GPC5: variants seen among roughly 807,000 people sequenced by gnomAD.
GPC5 encodes the protein glypican-5.
GPC5 carries 47 observed loss-of-function variants against 53.9 expected under a neutral mutation model. The observed-to-expected ratio is 0.87, with a 90% CI of 0.69 to 1.11. The LOEUF (loss-of-function observed/expected upper bound fraction) is 1.11. Among genes scored for constraint, GPC5 ranks in the 50% most tolerant of loss-of-function variants. The pLI is 0.00. For synonymous variants in GPC5, 286 were observed against 263.3 expected (o/e 1.09, Z -0.84); for missense variants, 748 against 713.1 (o/e 1.05, Z -0.56).
At chr13:91,620,613 G>T (rs1339891085) in intron 2 of GPC5, among the ~76,000 whole-genome samples, 1 of 152,078 alleles carries the variant, frequency 6.6e-6, no homozygotes, top group East Asian at 1.9e-4. Context: ...TTAAGTTATG[G>T]TCTCTCTGCC....
At chr13:92,264,815 A>G (rs911332487) in intron 7 of GPC5, among the ~76,000 whole-genome samples, 6 of 149,900 alleles carry the variant, frequency 4.0e-5, no homozygotes, top group African/African-American at 1.2e-4. Flanking sequence ...GTCCTTTCAA[A>G]TTATTGAAAC....
At chr13:92,348,940 T>G (rs985209638) in intron 7 of GPC5, among the ~76,000 whole-genome samples, 9 of 151,982 alleles carry the variant, frequency 5.9e-5, no homozygotes, top group African/African-American at 1.9e-4. Flanking sequence ...AAGAGGAACG[T>G]TTATAACAAT....
intron 7 of GPC5, among the ~76,000 whole-genome samples, chr13:92,730,139 C>T (rs1888759463): frequency 6.6e-6 from 1 of 151,336 alleles, no homozygotes; most frequent in Admixed American, 6.6e-5. Flanking sequence ...AGAAAGGACA[C>T]ACTACTTGGA....
intron 6 of GPC5, among the ~76,000 whole-genome samples, chr13:92,083,244 C>T (rs1002377735): frequency 3.3e-5 from 5 of 152,216 alleles, no homozygotes; most frequent in Admixed American, 2.6e-4. Context: ...CCCCATTGCT[C>T]TTCTCTGAAA....
At chr13:91,531,313 C>T (rs1886332353) in intron 2 of GPC5, among the ~76,000 whole-genome samples, 1 of 152,114 alleles carries the variant, frequency 6.6e-6, no homozygotes, top group South Asian at 2.1e-4. Flanking sequence ...TTTAGCTATC[C>T]AAATCATTCT....
intron 2 of GPC5, among the ~76,000 whole-genome samples, chr13:91,606,964 G>T (rs1389372698): frequency 6.6e-6 from 1 of 150,720 alleles, no homozygotes; most frequent in Non-Finnish European, 1.5e-5. Context: ...CTTCAGTTCT[G>T]CTCTGATTTT....
intron 7 of GPC5, among the ~76,000 whole-genome samples, chr13:92,821,262 G>T (rs1566432505): frequency 6.6e-6 from 1 of 152,148 alleles, no homozygotes; most frequent in Non-Finnish European, 1.5e-5. Flanking sequence ...TTTAGCATTT[G>T]TTAAAGATTT....
intron 3 of GPC5, among the ~76,000 whole-genome samples, chr13:91,717,033 G>A (rs971552196): frequency 6.6e-5 from 10 of 152,260 alleles, no homozygotes; most frequent in South Asian, 2.1e-4. Context: ...AAATCCCACC[G>A]GGGACGTGCA....
chr13:92,042,623 G>A (rs962456287), intron 6 of GPC5, among the ~76,000 whole-genome samples: 1 of 152,218 alleles, frequency 6.6e-6, no homozygotes, highest in Non-Finnish European at 1.5e-5. Context: ...GAAACACTGA[G>A]TGAGTGAGGG....
At chr13:91,878,572 G>A (rs1007016046) in intron 5 of GPC5, among the ~76,000 whole-genome samples, 1 of 152,084 alleles carries the variant, frequency 6.6e-6, no homozygotes, top group Non-Finnish European at 1.5e-5. Context: ...GTGGTTGTTC[G>A]AGGGACTTGG....
intron 7 of GPC5, among the ~76,000 whole-genome samples, chr13:92,474,127 A>G (rs1879010114): frequency 6.8e-6 from 1 of 147,022 alleles, no homozygotes; most frequent in African/African-American, 2.5e-5. Flanking sequence ...TGTTGCTTTC[A>G]AATTAATAGC....
chr13:92,061,897 C>G (rs2041127086), intron 6 of GPC5, among the ~76,000 whole-genome samples: 2 of 151,926 alleles, frequency 1.3e-5, no homozygotes, highest in Non-Finnish European at 2.9e-5. Context: ...AAAAGTTTTT[C>G]TTAAGAAAAT....
intron 7 of GPC5, among the ~76,000 whole-genome samples, chr13:92,341,604 A>G (rs1304077115): frequency 1.3e-5 from 2 of 152,214 alleles, no homozygotes; most frequent in Admixed American, 1.3e-4. Context: ...ATGTAGTAAA[A>G]TAAAGTTTGT....
At chr13:91,722,077 G>C (rs1185137304) in intron 3 of GPC5, among the ~76,000 whole-genome samples, 2 of 151,982 alleles carry the variant, frequency 1.3e-5, no homozygotes, top group African/African-American at 4.8e-5. Flanking sequence ...AGCTAAACAA[G>C]AACAAAAATT....
chr13:92,310,373 T>C (rs2043137591), intron 7 of GPC5, among the ~76,000 whole-genome samples: 1 of 152,212 alleles, frequency 6.6e-6, no homozygotes, highest in African/African-American at 2.4e-5. Context: ...TGCTTTTGTA[T>C]TGACTCTTTC....
At chr13:91,619,244 A>G (rs1188782411) in intron 2 of GPC5, among the ~76,000 whole-genome samples, 1 of 152,130 alleles carries the variant, frequency 6.6e-6, no homozygotes, top group Non-Finnish European at 1.5e-5. Context: ...TACCTTTACT[A>G]TGTCAACTAC....
chr13:92,725,062 A>G (rs948982429), intron 7 of GPC5, among the ~76,000 whole-genome samples: 3 of 151,638 alleles, frequency 2.0e-5, no homozygotes, highest in African/African-American at 7.2e-5. Flanking sequence ...AGTTTCATAA[A>G]GGTCTTCCCC....
At chr13:92,281,543 A>G (rs1183419793) in intron 7 of GPC5, among the ~76,000 whole-genome samples, 1 of 152,144 alleles carries the variant, frequency 6.6e-6, no homozygotes, top group Non-Finnish European at 1.5e-5. Flanking sequence ...CCCCTCTGAG[A>G]CGAAGCTTGC....
intron 7 of GPC5, among the ~76,000 whole-genome samples, chr13:92,432,034 G>A (rs1877110198): frequency 1.3e-5 from 2 of 152,158 alleles, no homozygotes; most frequent in African/African-American, 4.8e-5. Context: ...ATTGTATTTG[G>A]AGATGAGGCC....
Sources: gnomAD v4.1 joint callset for allele counts (sites outside exome capture counted in the v4.1 genomes callset) on GRCh38, gnomAD v4.1.1 for gene constraint, MANE v1.5 for transcripts, NCBI Gene and HGNC (gene_info 2026-07-23, HGNC 2026-07-21) for gene names.